Variants in PPARGC1A observed in about 807,000 individuals in gnomAD.
PPARGC1A encodes peroxisome proliferator-activated receptor gamma coactivator 1-alpha.
Under a neutral mutation model 88.7 loss-of-function variants are expected in PPARGC1A, and 25 were observed. The ratio of observed to expected loss-of-function variants is 0.28; its 90% CI spans 0.21 to 0.39. PPARGC1A has a LOEUF of 0.39. Ranked by LOEUF, PPARGC1A falls within the 10% of genes least tolerant of loss-of-function variation. PPARGC1A has a pLI of 1.00. For synonymous variants in PPARGC1A, 363 were observed against 355.6 expected (o/e 1.02, Z -0.24); for missense variants, 880 against 968.7 (o/e 0.91, Z 1.22).
chr4:23,796,229 GC>G (rs1334080489), intron 12 of PPARGC1A, among the ~76,000 whole-genome samples: 2 of 152,040 alleles, frequency 1.3e-5, no homozygotes, highest in African/African-American at 2.4e-5. Context: ...CAAATGACTT[GC>G]CCATGGTTCC....
chr4:24,223,191 T>A, the PPARGC1A span, among the ~76,000 whole-genome samples: 3 of 151,940 alleles, frequency 2.0e-5, no homozygotes, highest in Non-Finnish European at 4.4e-5. Flanking sequence ...TAAAAGGAAA[T>A]TATGAAATAT....
the PPARGC1A span, among the ~76,000 whole-genome samples, chr4:24,356,420 G>A: frequency 6.6e-6 from 1 of 152,168 alleles, no homozygotes; most frequent in Non-Finnish European, 1.5e-5. Flanking sequence ...TCTGTTCACG[G>A]ACATTAACCT....
At chr4:24,013,522 G>A in the PPARGC1A span, among the ~76,000 whole-genome samples, 1 of 152,064 alleles carries the variant, frequency 6.6e-6, no homozygotes, top group African/African-American at 2.4e-5. Context: ...CTAATAGACT[G>A]TAACCTCCCT....
the PPARGC1A span, among the ~76,000 whole-genome samples, chr4:24,104,764 C>T: frequency 6.6e-6 from 1 of 152,318 alleles, no homozygotes; most frequent in East Asian, 1.9e-4. Flanking sequence ...TGCAACGCCT[C>T]TCCCCAAAAA....
chr4:24,295,470 G>A, the PPARGC1A span, among the ~76,000 whole-genome samples: 1 of 152,000 alleles, frequency 6.6e-6, no homozygotes, highest in African/African-American at 2.4e-5. Flanking sequence ...TGGAGTTTGT[G>A]GGAAAACCAT....
the PPARGC1A span, among the ~76,000 whole-genome samples, chr4:24,449,076 C>T: frequency 2.0e-3 from 308 of 152,294 alleles, 3 homozygotes; most frequent in East Asian, 0.037. Context: ...AAACTACTGA[C>T]GTCAGCTGGT....
chr4:24,400,816 TG>T, the PPARGC1A span, among the ~76,000 whole-genome samples: 1 of 152,162 alleles, frequency 6.6e-6, no homozygotes, highest in African/African-American at 2.4e-5. Context: ...AAGATGGTGA[TG>T]ATTTTTAAAA....
intron 2 of PPARGC1A, among the ~76,000 whole-genome samples, chr4:23,868,441 CTCTCTT>C (rs1434808907): frequency 6.6e-6 from 1 of 152,162 alleles, no homozygotes; most frequent in Admixed American, 6.5e-5. Flanking sequence ...TATATTCTCT[CTCTCTT>C]TCTGAATTTG....
the PPARGC1A span, among the ~76,000 whole-genome samples, chr4:24,157,070 C>T: frequency 6.6e-6 from 1 of 152,136 alleles, no homozygotes; most frequent in South Asian, 2.1e-4. Context: ...GTTAAGGACC[C>T]ACATGCTGGA....
rs1215980712 is a variant in PPARGC1A at position 23,802,848 on chromosome 4, C to T, written c.2020-503G>A. On this transcript the variant is annotated intron_variant, in intron 10 of 12. Transcript: ENST00000264867. ...ATTCCCATTTCTTCAGTATCAATCT[C>T]TTCTTGCTCACATAGATTCTTCTCT... Among the ~76,000 whole-genome samples, 4 of 152,210 alleles carry T rather than the reference C, an allele frequency of 2.6e-5. No homozygotes were observed. The South Asian group carries it at 6.2e-4, about 24-fold the overall frequency.
chr4:24,254,027 G>A, the PPARGC1A span, among the ~76,000 whole-genome samples: 60,423 of 151,764 alleles, frequency 0.4, 12,649 homozygotes, highest in Non-Finnish European at 0.47. Context: ...TATCATCATC[G>A]TCATCATGTA....
intron 10 of PPARGC1A, among the ~76,000 whole-genome samples, chr4:23,805,267 G>A (rs540711158): frequency 6.3e-4 from 95 of 151,538 alleles, no homozygotes; most frequent in Non-Finnish European, 6.9e-4. Flanking sequence ...GCTCAGCTGA[G>A]TGAAGAAACA....
At chr4:23,964,772 AAAG>A in the PPARGC1A span, among the ~76,000 whole-genome samples, 3 of 152,198 alleles carry the variant, frequency 2.0e-5, no homozygotes, top group Non-Finnish European at 4.4e-5. Context: ...AGGGTTGAAC[AAAG>A]AAGAATTCTT....
the PPARGC1A span, among the ~76,000 whole-genome samples, chr4:23,973,654 A>T: frequency 2.0e-5 from 3 of 152,248 alleles, no homozygotes. Context: ...CACTCAATTT[A>T]TTCTGCAGAG....
chr4:23,871,494 T>C (rs767721980), intron 2 of PPARGC1A, among the ~76,000 whole-genome samples: 52 of 152,274 alleles, frequency 3.4e-4, no homozygotes, highest in Middle Eastern at 6.8e-3. Flanking sequence ...GAATAGGAGG[T>C]GAACCTGCCT....
the PPARGC1A span, among the ~76,000 whole-genome samples, chr4:24,074,763 T>C: frequency 6.6e-6 from 1 of 152,070 alleles, no homozygotes; most frequent in Admixed American, 6.6e-5. Context: ...ATTTGGGTGC[T>C]TTGGCCCTTA....
the PPARGC1A span, among the ~76,000 whole-genome samples, chr4:24,059,331 C>A: frequency 2.6e-5 from 4 of 152,158 alleles, no homozygotes; most frequent in African/African-American, 9.7e-5. Flanking sequence ...CAATGCAAAT[C>A]CACCCAAAGT....
the PPARGC1A span, among the ~76,000 whole-genome samples, chr4:24,037,385 A>G: frequency 5.9e-3 from 901 of 152,306 alleles, 40 homozygotes; most frequent in East Asian, 0.1. Context: ...GTCATTAATT[A>G]CATTTGAGTT....
At chr4:24,261,641 T>A in the PPARGC1A span, among the ~76,000 whole-genome samples, 1 of 152,254 alleles carries the variant, frequency 6.6e-6, no homozygotes, top group Admixed American at 6.5e-5. Context: ...TATTTTCACA[T>A]TAGTCACGAG....
Sources: allele counts gnomAD v4.1 joint callset (sites outside exome capture counted in the v4.1 genomes callset), GRCh38; gene constraint gnomAD v4.1.1; transcripts MANE v1.5; gene names NCBI Gene and HGNC (gene_info 2026-07-23, HGNC 2026-07-21).